TAX1BP1: variants seen among roughly 807,000 people sequenced by gnomAD.
TAX1BP1 encodes tax1-binding protein 1.
TAX1BP1 carries 62 observed loss-of-function variants against 97.7 expected under a neutral mutation model. The ratio of observed to expected loss-of-function variants is 0.63; its 90% CI spans 0.52 to 0.78. The LOEUF is 0.78. TAX1BP1 is among the 30% of genes least tolerant of loss of function. The pLI, the probability that TAX1BP1 is intolerant of heterozygous loss-of-function variation, is 0.00. For synonymous variants in TAX1BP1, 340 were observed against 304.2 expected, an observed-to-expected ratio of 1.12 and a Z score of -1.23; for missense variants, 867 against 916.1, an observed-to-expected ratio of 0.95 and a Z score of 0.69.
chr7:27,792,060 G>A lies in TAX1BP1; in HGVS notation c.1093G>A (p.Ala365Thr). Reference sequence around the variant, plus strand: ...TCGTAAAGCAGAGGAACAGGTTCAGGCAACTCGGCAAGAAGTTGTCTTTCT... The same window carrying A: ...TCGTAAAGCAGAGGAACAGGTTCAGACAACTCGGCAAGAAGTTGTCTTTCT... Reference protein sequence around the residue: ...QLRKAEEQVQATRQEVVFLAK... With the variant: ...QLRKAEEQVQTTRQEVVFLAK... Residue 365 changes from alanine (A) to threonine (T), a missense_variant, in exon 9 of 17, where the codon GCA becomes ACA. Physicochemically the swap from Ala to Thr is moderately conservative, Grantham distance 58. Around this residue, in one of 3 missense-constraint regions of TAX1BP1, gnomAD observed 822 missense variants for 851.4 expected, o/e 0.97. Coordinates refer to ENST00000396319, the MANE Select transcript of TAX1BP1 (RefSeq NM_006024.7). 6.2e-7 allele frequency: 1 copy of A among 1,614,052 alleles called. No homozygotes were observed. The highest frequency in any genetic ancestry group is 8.5e-7 in the Non-Finnish European group (1 of 1,180,024).
chr7:27,799,863 C>A, intron 12 of TAX1BP1, 102 bp from the exon 13 acceptor site: 1 of 836,976 alleles, frequency 1.2e-6, no homozygotes, highest in Non-Finnish European at 1.7e-6. Flanking sequence ...GCTGTTACAA[C>A]AGTGTTATAA....
intron 5 of TAX1BP1, among the ~76,000 whole-genome samples, chr7:27,774,045 G>A (rs911153597): frequency 1.3e-5 from 2 of 152,016 alleles, no homozygotes; most frequent in Non-Finnish European, 2.9e-5. Context: ...TGTAATGGAG[G>A]ATGTTACAAA....
chr7:27,768,909 A>G (rs1195999653), intron 4 of TAX1BP1, among the ~76,000 whole-genome samples: 15 of 152,048 alleles, frequency 9.9e-5, no homozygotes, highest in Admixed American at 5.2e-4. Context: ...AATTAAATGT[A>G]TAATACCACC....
intron 12 of TAX1BP1, among the ~76,000 whole-genome samples, chr7:27,797,334 C>G (rs545651868): frequency 1.2e-3 from 185 of 152,176 alleles, no homozygotes; most frequent in African/African-American, 4.2e-3. Context: ...TCAGACTTTT[C>G]TGGTTTGCAG....
intron 3 of TAX1BP1, among the ~76,000 whole-genome samples, chr7:27,761,294 C>A (rs1788415992): frequency 6.6e-6 from 1 of 152,120 alleles, no homozygotes; most frequent in African/African-American, 2.4e-5. Flanking sequence ...ATCTTGTGTG[C>A]TCCATTTGTT....
chr7:27,826,061 A>G (rs1051127728), intron 15 of TAX1BP1, among the ~76,000 whole-genome samples: 1 of 152,138 alleles, frequency 6.6e-6, no homozygotes, highest in African/African-American at 2.4e-5. Context: ...GGGAGGCCTA[A>G]ATCTGGGAGC....
At chr7:27,749,166 T>C (rs1165177130) in intron 2 of TAX1BP1, among the ~76,000 whole-genome samples, 5 of 152,230 alleles carry the variant, frequency 3.3e-5, no homozygotes. Flanking sequence ...CTGTTTAACA[T>C]GACTGAATAG....
At chr7:27,811,399 T>C (rs1179263744) in intron 13 of TAX1BP1, among the ~76,000 whole-genome samples, 1 of 152,230 alleles carries the variant, frequency 6.6e-6, no homozygotes, top group East Asian at 1.9e-4. Context: ...CAAGTTTTGC[T>C]CTTGATGATG....
Position 27,766,040 on chromosome 7 carries a change from A to C in TAX1BP1, c.453+19A>C. The C allele has an allele frequency of 6.2e-7, 1 of 1,601,212 alleles. No homozygotes were observed. On this transcript the variant is annotated intron_variant, in intron 4 of 16. Coordinates refer to ENST00000396319, the MANE Select transcript of TAX1BP1 (RefSeq NM_006024.7). Reference sequence around the variant, plus strand: ...TCTTGAGGTTGGTGTTCACAGTGAGATAGTGATTCATTGATAATTTTAAGA... The same window carrying C: ...TCTTGAGGTTGGTGTTCACAGTGAGCTAGTGATTCATTGATAATTTTAAGA...
chr7:27,760,260 C>A (rs966623451), intron 3 of TAX1BP1, among the ~76,000 whole-genome samples: 1 of 151,896 alleles, frequency 6.6e-6, no homozygotes, highest in Non-Finnish European at 1.5e-5. Context: ...AAAAGAAAAA[C>A]CTTTAAAAAA....
chr7:27,814,039 G>T (rs957242666), intron 13 of TAX1BP1, among the ~76,000 whole-genome samples: 1 of 150,460 alleles, frequency 6.6e-6, no homozygotes, highest in African/African-American at 2.5e-5. Flanking sequence ...CTCATGATCC[G>T]CCCGCCTCGG....
chr7:27,804,072 G>A (rs1179246768), intron 13 of TAX1BP1, among the ~76,000 whole-genome samples: 7 of 152,064 alleles, frequency 4.6e-5, no homozygotes, highest in Admixed American at 1.3e-4. Flanking sequence ...TGAAAAACTT[G>A]TTATCTTCCA....
chr7:27,794,535 T>A, intron 11 of TAX1BP1, 89 bp downstream of exon 11: 4 of 1,366,978 alleles, frequency 2.9e-6, no homozygotes, highest in Non-Finnish European at 3.9e-6. Context: ...TTTCAGGATG[T>A]TCATAAAAAT....
intron 13 of TAX1BP1, among the ~76,000 whole-genome samples, chr7:27,802,059 G>A (rs546801175): frequency 7.2e-5 from 11 of 152,182 alleles, no homozygotes; most frequent in Non-Finnish European, 1.5e-4. Flanking sequence ...TTGGAGTTCA[G>A]AAGTGGAGCG....
At chr7:27,777,317 T>A (rs1000209182) in intron 5 of TAX1BP1, among the ~76,000 whole-genome samples, 5 of 152,176 alleles carry the variant, frequency 3.3e-5, no homozygotes, top group African/African-American at 1.2e-4. Flanking sequence ...ACAGTTTGAT[T>A]TTTTTGAGCC....
chr7:27,792,817 C>T (rs1229367452), intron 9 of TAX1BP1, among the ~76,000 whole-genome samples: 1 of 151,888 alleles, frequency 6.6e-6, no homozygotes, highest in African/African-American at 2.4e-5. Context: ...TCAAAAATTA[C>T]CCAGGTGTGG....
chr7:27,812,526 C>T (rs1467479481), intron 13 of TAX1BP1, among the ~76,000 whole-genome samples: 1 of 152,120 alleles, frequency 6.6e-6, no homozygotes, highest in Non-Finnish European at 1.5e-5. Flanking sequence ...CTTAATGCTT[C>T]ATGCTGTTTG....
chr7:27,781,412 A>T (rs941620760), intron 5 of TAX1BP1, among the ~76,000 whole-genome samples: 5 of 152,224 alleles, frequency 3.3e-5, no homozygotes, highest in Non-Finnish European at 7.3e-5. Flanking sequence ...CTAGGCTACA[A>T]ACCTGTACAG....
At chr7:27,818,634 A>G (rs1160860277) in intron 15 of TAX1BP1, among the ~76,000 whole-genome samples, 1 of 152,196 alleles carries the variant, frequency 6.6e-6, no homozygotes, top group Non-Finnish European at 1.5e-5. Flanking sequence ...AACTGTGGTC[A>G]ATTGTCAGAT....
Sources: allele counts gnomAD v4.1 joint callset (sites outside exome capture counted in the v4.1 genomes callset), GRCh38; gene constraint gnomAD v4.1.1; regional missense constraint gnomAD v4.1.1; transcripts MANE v1.5; gene names NCBI Gene and HGNC (gene_info 2026-07-23, HGNC 2026-07-21).